The following SLC30A5 variants were observed in gnomAD, a reference collection of about 807,000 sequenced individuals.
The protein encoded by SLC30A5 is proton-coupled zinc antiporter SLC30A5.
SLC30A5 carries 33 observed loss-of-function variants against 79.6 expected under a neutral mutation model. The observed-to-expected ratio is 0.41, with a 90% confidence interval of 0.31 to 0.55. The LOEUF is 0.55. Ranked by LOEUF, SLC30A5 falls within the 20% of genes least tolerant of loss-of-function variation. The pLI is 0.20. For synonymous variants in SLC30A5, 299 were observed against 319.7 expected, an observed-to-expected ratio of 0.94 and a Z score of 0.69; for missense variants, 788 against 928.1, an observed-to-expected ratio of 0.85 and a Z score of 1.96.
rs558513583 is a variant in SLC30A5, at chr5:69,113,992, G to C, written c.536-428G>C. 9.9e-5 allele frequency among the ~76,000 whole-genome samples: 15 copies of C among 152,276 alleles called. No homozygotes were observed. In the South Asian group the frequency reaches 3.1e-3, roughly 32 times the overall value. On this transcript the variant is annotated intron_variant, in intron 6 of 15. Coordinates refer to ENST00000396591, the MANE Select transcript of SLC30A5 (RefSeq NM_022902.5). ...TAAGACTTATGTGGTCAGTGACTTA[G>C]AAGACAGATTTAGGACTCATTTTAC... is the stretch of plus-strand genomic sequence containing the variant.
intron 12 of SLC30A5, 80 bp downstream of exon 12, chr5:69,118,708 G>A (rs2111984393): frequency 7.6e-6 from 9 of 1,190,670 alleles, no homozygotes; most frequent in Non-Finnish European, 1.0e-5. Context: ...ATTGTTTGCA[G>A]TTATTGCTCT....
intron 3 of SLC30A5, chr5:69,104,014 T>A (rs1746008460): frequency 1.3e-6 from 2 of 1,571,144 alleles, no homozygotes; most frequent in Middle Eastern, 1.7e-4. Context: ...GACAAAAAGT[T>A]AAATGATCCT....
chr5:69,129,322 C>G (rs534796448), intron 15 of SLC30A5, 125 bp from the exon 16 acceptor site: 1 of 624,514 alleles, frequency 1.6e-6, no homozygotes, highest in African/African-American at 1.9e-5. Context: ...GATTTTAGAG[C>G]GTCTCAGATT....
In SLC30A5 at chr5:69,108,400, T is replaced by G; in HGVS notation, c.411T>G (p.Ser137Arg). Residue 137 changes from serine to arginine, a missense_variant, in exon 5 of 16, where the codon AGT becomes AGG. This residue lies in a region of SLC30A5 where 626 missense variants were observed against 755.5 expected (regional missense o/e 0.83). Transcript: ENST00000396591. ...HSDIVVISLLSVLFTSSGGGP... is the reference protein window; with the variant it reads ...HSDIVVISLLRVLFTSSGGGP... ...ATATTGTTGTCATTTCACTACTCAGTGTTTTGTTCACCAGTTCTGGAGGAG... is the reference window on the plus strand; with the variant it reads ...ATATTGTTGTCATTTCACTACTCAGGGTTTTGTTCACCAGTTCTGGAGGAG... 6.2e-7 allele frequency: 1 copy of G among 1,613,970 alleles called. No individual in the cohort carries two copies. Among genetic ancestry groups the G allele is most frequent in the Non-Finnish European group, 8.5e-7 (1 of 1,179,902 alleles).
intron 1 of SLC30A5, among the ~76,000 whole-genome samples, chr5:69,097,413 CTCTT>C (rs1173287758): frequency 6.6e-5 from 10 of 152,332 alleles, no homozygotes; most frequent in African/African-American, 1.9e-4. Context: ...CTGCGCCCTG[CTCTT>C]TCTTCTCTTT....
intron 2 of SLC30A5, 60 bp downstream of exon 2, chr5:69,100,989 A>G: frequency 6.8e-7 from 1 of 1,478,394 alleles, no homozygotes; most frequent in Non-Finnish European, 9.1e-7. Flanking sequence ...TCCTGTTTTA[A>G]CAGAGTATCT....
intron 2 of SLC30A5, among the ~76,000 whole-genome samples, chr5:69,102,162 T>C (rs1419388097): frequency 6.7e-6 from 1 of 149,350 alleles, no homozygotes; most frequent in African/African-American, 2.5e-5. Flanking sequence ...CAAGCAATTC[T>C]GTCTCAGCCT....
rs1746818260 is a variant in SLC30A5 at position 69,130,343 on chromosome 5, C to T, written c.*726C>T. The T allele has an allele frequency of 6.6e-6, 1 of 151,914 alleles. No homozygotes were observed. Among genetic ancestry groups the T allele is most frequent in the African/African-American group, 2.4e-5 (1 of 41,372 alleles). The allele number at this position is 151,914 out of a possible 1,614,324, so 9.4% of individuals were successfully genotyped here. On this transcript the variant is annotated 3_prime_UTR_variant, in exon 16 of 16. Coordinates refer to ENST00000396591, the MANE Select transcript of SLC30A5 (RefSeq NM_022902.5). ...GTGTCCATGTTATTCATTTACTTAC[C>T]ATGTTCCTTTAAAGTAGAATATTTC... is the stretch of plus-strand genomic sequence containing the variant.
intron 12 of SLC30A5, 42 bp downstream of exon 12, chr5:69,118,670 TAC>T: frequency 3.3e-6 from 5 of 1,502,650 alleles, no homozygotes; most frequent in Non-Finnish European, 3.6e-6. Context: ...TAGTCATACT[TAC>T]ATAGTTTTTT....
At chr5:69,122,046 A>G in intron 13 of SLC30A5, 151 bp downstream of exon 13, 1 of 614,778 alleles carries the variant, frequency 1.6e-6, no homozygotes, top group Non-Finnish European at 2.9e-6. Context: ...ATCACTATAG[A>G]AAATATTCTT....
At chr5:69,122,508 G>A (rs980090160) in intron 13 of SLC30A5, among the ~76,000 whole-genome samples, 1 of 152,060 alleles carries the variant, frequency 6.6e-6, no homozygotes, top group African/African-American at 2.4e-5. Flanking sequence ...ACATAACTTA[G>A]CCAGGTGTGG....
rs532994254 is a variant in SLC30A5 at position 69,125,870 on chromosome 5, CAAAAAA to C, written c.1999-2113_1999-2108del. On this transcript the variant is annotated intron_variant, in intron 14 of 15. Transcript: ENST00000396591. ...CGGGCCACAGAGCGAGACTCCGTCT[CAAAAAA>C]AAAAAAAAAAAAAAAAAAAATTAGC... Among the ~76,000 whole-genome samples the C allele has an allele frequency of 4.1e-4, 22 of 54,190 alleles. 1 individual carries two copies. The South Asian group carries it at 4.1e-3, about 10-fold the overall frequency. The allele number at this position is 54,190 out of a possible 152,430, so 35.6% of individuals were successfully genotyped here. A position where few individuals can be genotyped will look rare whatever the true frequency, so the allele number is the denominator to read the frequency against.
In SLC30A5 at chr5:69,116,181, G is replaced by A. The variant is rs747888316; in HGVS notation, c.1039G>A (p.Gly347Arg). 2.5e-6 allele frequency: 4 copies of A among 1,613,548 alleles called. No homozygotes were observed. Among genetic ancestry groups the A allele is most frequent in the African/African-American group, 2.7e-5 (2 of 74,984 alleles). Residue 347 changes from glycine (G) to arginine (R), a missense_variant, in exon 9 of 16, where the codon GGA (glycine) becomes AGA (arginine). This residue lies in a region of SLC30A5 where 626 missense variants were observed against 755.5 expected (regional missense o/e 0.83). Coordinates refer to ENST00000396591, the MANE Select transcript of SLC30A5 (RefSeq NM_022902.5). This position sits in a 1 kb window ranked among gnomAD's most constrained non-coding sequence, Gnocchi z 4.0. Reference protein sequence around the residue: ...QESTEHVLSGGVVVSAIFFIL... With the variant: ...QESTEHVLSGRVVVSAIFFIL... ...GAGCACTGAACACGTCCTGTCTGGA[G>A]GAGTGGTAGTGAGTGCTATATTCTT...
intron 12 of SLC30A5, 61 bp from the exon 13 acceptor site, chr5:69,121,633 T>G: frequency 8.2e-7 from 1 of 1,212,888 alleles, no homozygotes; most frequent in Non-Finnish European, 1.1e-6. Context: ...ATAATAACTT[T>G]TAAATAACAA....
chr5:69,129,045 T>C (rs1031353709), intron 15 of SLC30A5, among the ~76,000 whole-genome samples: 3 of 152,192 alleles, frequency 2.0e-5, no homozygotes, highest in South Asian at 2.1e-4. Context: ...CCCAGGCTGG[T>C]CTCAAACTCC....
At chr5:69,124,661 C>T (rs1196591889) in intron 14 of SLC30A5, among the ~76,000 whole-genome samples, 2 of 152,142 alleles carry the variant, frequency 1.3e-5, no homozygotes, top group Non-Finnish European at 2.9e-5. Context: ...CTGCAACCTC[C>T]ACCTCCCGGG....
intron 4 of SLC30A5, among the ~76,000 whole-genome samples, chr5:69,105,313 G>C (rs564826571): frequency 1.3e-5 from 2 of 152,292 alleles, no homozygotes; most frequent in South Asian, 4.1e-4. Context: ...AGCTGTGTAT[G>C]AGCATTCTTT....
chr5:69,129,264 C>G (rs549058608), intron 15 of SLC30A5, among the ~76,000 whole-genome samples, 183 bp from the exon 16 acceptor site: 36 of 152,264 alleles, frequency 2.4e-4, no homozygotes, highest in African/African-American at 8.7e-4. Flanking sequence ...CCAAAATGCT[C>G]CAATGAGCAT....
Position 69,128,101 on chromosome 5 carries a change from C to A in SLC30A5, c.2096C>A (p.Ser699Tyr), listed in dbSNP as rs1724925200. The change falls in exon 15 of 16, where the codon TCT becomes TAT. Residue 699 changes from serine to tyrosine, a missense_variant. Around this residue, in one of 3 missense-constraint regions of SLC30A5, gnomAD observed 158 missense variants for 156.2 expected, o/e 1.01. Coordinates refer to ENST00000396591, the MANE Select transcript of SLC30A5 (RefSeq NM_022902.5). Reference protein sequence around the residue: ...VAGTIHIQVTSDVLEQRIVQQ... With the variant: ...VAGTIHIQVTYDVLEQRIVQQ... ...GGAACAATTCATATACAGGTGACAT[C>A]TGATGTGCTAGAACAAAGAATAGTA... 1.2e-6 allele frequency: 2 copies of A among 1,612,102 alleles called. No homozygotes were observed. The highest frequency in any genetic ancestry group is 1.7e-6 in the Non-Finnish European group (2 of 1,178,954).
Sources: gnomAD v4.1 joint callset for allele counts (sites outside exome capture counted in the v4.1 genomes callset) on GRCh38, gnomAD v4.1.1 for gene constraint, gnomAD v4.1.1 regional missense constraint, Gnocchi (gnomAD v3.1) non-coding constraint, MANE v1.5 for transcripts, NCBI Gene and HGNC (gene_info 2026-07-23, HGNC 2026-07-21) for gene names.